Variants in PPP2R2C observed in about 807,000 individuals in gnomAD.
PPP2R2C encodes protein phosphatase 2, regulatory subunit B, gamma.
In PPP2R2C, 10 loss-of-function variants were observed where a neutral mutation model predicts 45.3. That is an observed-to-expected ratio of 0.22 (90% CI 0.14 to 0.37). The LOEUF is 0.37. Ranked by LOEUF, PPP2R2C falls within the 10% of genes least tolerant of loss-of-function variation. The pLI, the probability that PPP2R2C is intolerant of heterozygous loss-of-function variation, is 1.00. For synonymous variants in PPP2R2C, 257 were observed against 245.4 expected, an observed-to-expected ratio of 1.05 and a Z score of -0.44; for missense variants, 308 against 619.7, an observed-to-expected ratio of 0.50 and a Z score of 5.34.
intron 5 of PPP2R2C, among the ~76,000 whole-genome samples, chr4:6,360,744 G>A (rs1479415841): frequency 1.3e-5 from 2 of 152,218 alleles, no homozygotes; most frequent in South Asian, 2.1e-4. Context: ...GATCCTACAG[G>A]AGGATTCCTG....
chr4:6,456,293 T>C (rs1721025422), intron 1 of PPP2R2C, among the ~76,000 whole-genome samples: 1 of 111,182 alleles, frequency 9.0e-6, no homozygotes, highest in African/African-American at 3.9e-5. Context: ...AGTAGTGAAA[T>C]GAAGGATGTT....
intron 5 of PPP2R2C, among the ~76,000 whole-genome samples, 157 bp downstream of exon 5, chr4:6,372,366 G>A (rs370953335): frequency 7.2e-5 from 11 of 152,300 alleles, no homozygotes; most frequent in African/African-American, 2.6e-4. Flanking sequence ...TTGTATCTGG[G>A]CCTCACACGC....
intron 2 of PPP2R2C, among the ~76,000 whole-genome samples, chr4:6,521,893 G>T (rs575891904): frequency 6.6e-6 from 1 of 152,196 alleles, no homozygotes; most frequent in African/African-American, 2.4e-5. Context: ...CAGGCCATCT[G>T]CCTCCAGAGC....
chr4:6,551,606 T>C (rs1010193472), intron 1 of PPP2R2C, among the ~76,000 whole-genome samples: 4 of 152,172 alleles, frequency 2.6e-5, no homozygotes, highest in Non-Finnish European at 5.9e-5. Context: ...ACAACTGCCA[T>C]CTTGTTCCCT....
chr4:6,479,006 G>A (rs1177067867), intron 2 of PPP2R2C, among the ~76,000 whole-genome samples: 1 of 152,182 alleles, frequency 6.6e-6, no homozygotes, highest in Non-Finnish European at 1.5e-5. Flanking sequence ...GGGTCACATG[G>A]CCACGTGACC....
rs147278893 is a variant in PPP2R2C at position 6,432,459 on chromosome 4, C to T, written c.70+39701G>A. On this transcript the variant is annotated intron_variant, in intron 1 of 8. Transcript: ENST00000382599. Reference sequence around the variant, plus strand: ...CCCAGCGCCTGCTGCCTCGTTTCCCCCTCTCCCCTCTACTCCAGCACCTTC... The same window carrying T: ...CCCAGCGCCTGCTGCCTCGTTTCCCTCTCTCCCCTCTACTCCAGCACCTTC... 1.1e-3 allele frequency among the ~76,000 whole-genome samples: 160 copies of T among 152,312 alleles called. 1 individual carries two copies. Among genetic ancestry groups the T allele is most frequent in the African/African-American group, 3.6e-3 (149 of 41,562 alleles).
At chr4:6,422,259 T>C (rs1316954538) in intron 1 of PPP2R2C, among the ~76,000 whole-genome samples, 1 of 152,182 alleles carries the variant, frequency 6.6e-6, no homozygotes, top group Non-Finnish European at 1.5e-5. Context: ...TAGCCGCCAC[T>C]TGCGTGAGAC....
intron 2 of PPP2R2C, among the ~76,000 whole-genome samples, chr4:6,511,178 C>A (rs1460904099): frequency 1.3e-5 from 2 of 152,090 alleles, no homozygotes; most frequent in East Asian, 1.9e-4. Flanking sequence ...GAGAAAAACA[C>A]GCAAAATGCT....
At chr4:6,529,586 C>T (rs1201807314) in intron 2 of PPP2R2C, among the ~76,000 whole-genome samples, 2 of 152,166 alleles carry the variant, frequency 1.3e-5, no homozygotes, top group South Asian at 2.1e-4. Flanking sequence ...CACTGGGTTG[C>T]GGTTCACATG....
intron 6 of PPP2R2C, 56 bp downstream of exon 6, chr4:6,347,790 C>CCCCCCCCCCCCCCGCCCCAACG: frequency 1.9e-6 from 1 of 539,152 alleles, no homozygotes; most frequent in Non-Finnish European, 3.4e-6. Flanking sequence ...GACAGGACAT[C>CCCCCCCCCCCCCCGCCCCAACG]CCACCCGCCC....
intron 1 of PPP2R2C, among the ~76,000 whole-genome samples, chr4:6,410,117 A>G (rs1718064729): frequency 6.6e-6 from 1 of 152,088 alleles, no homozygotes; most frequent in African/African-American, 2.4e-5. Flanking sequence ...GCAGGATCCC[A>G]CACCTCAGGC....
intron 6 of PPP2R2C, among the ~76,000 whole-genome samples, chr4:6,336,721 C>CTGCTTCCA (rs1732924440): frequency 4.1e-5 from 1 of 24,566 alleles, no homozygotes; most frequent in Non-Finnish European, 6.8e-5. Flanking sequence ...CCCTCCCTCC[C>CTGCTTCCA]TCCCTCCTTC....
intron 1 of PPP2R2C, among the ~76,000 whole-genome samples, chr4:6,387,640 G>A (rs1217611371): frequency 2.0e-5 from 3 of 151,960 alleles, no homozygotes; most frequent in African/African-American, 7.3e-5. Flanking sequence ...ATGAAACCCT[G>A]TCTCTACTAA....
At chr4:6,525,866 G>C (rs550438060) in intron 2 of PPP2R2C, among the ~76,000 whole-genome samples, 1 of 152,008 alleles carries the variant, frequency 6.6e-6, no homozygotes, top group African/African-American at 2.4e-5. Flanking sequence ...ACCACACCCA[G>C]CTAATTTTTA....
chr4:6,505,698 G>A (rs535055025), intron 2 of PPP2R2C, among the ~76,000 whole-genome samples: 3 of 152,338 alleles, frequency 2.0e-5, no homozygotes, highest in East Asian at 3.9e-4. Flanking sequence ...AGCTGTGGTG[G>A]CTCACGCCTG....
chr4:6,371,134 G>A (rs767885231), intron 5 of PPP2R2C, among the ~76,000 whole-genome samples: 37 of 152,210 alleles, frequency 2.4e-4, no homozygotes, highest in Non-Finnish European at 5.1e-4. Context: ...ACGGAGTCTC[G>A]GAGAGGGAGG....
chr4:6,534,227 A>G (rs1416484661), intron 2 of PPP2R2C, among the ~76,000 whole-genome samples: 1 of 150,700 alleles, frequency 6.6e-6, no homozygotes, highest in Non-Finnish European at 1.5e-5. Flanking sequence ...ATATCAACAA[A>G]CACACACCAA....
intron 2 of PPP2R2C, among the ~76,000 whole-genome samples, chr4:6,526,692 G>C (rs1282520171): frequency 6.6e-6 from 1 of 152,158 alleles, no homozygotes; most frequent in Non-Finnish European, 1.5e-5. Context: ...GAGAGAATCC[G>C]GGGGCTGGTC....
At chr4:6,337,154 A>G (rs1445931894) in intron 6 of PPP2R2C, among the ~76,000 whole-genome samples, 2 of 87,576 alleles carry the variant, frequency 2.3e-5, no homozygotes, top group African/African-American at 9.9e-5. Context: ...ATATATATAT[A>G]TATATATTTG....
Sources: allele counts gnomAD v4.1 joint callset (sites outside exome capture counted in the v4.1 genomes callset), GRCh38; gene constraint gnomAD v4.1.1; transcripts MANE v1.5; gene names NCBI Gene and HGNC (gene_info 2026-07-23, HGNC 2026-07-21).